SOX6: variants seen among roughly 807,000 people sequenced by gnomAD.
SOX6 encodes the protein transcription factor SOX-6.
Under a neutral mutation model 97.8 loss-of-function variants are expected in SOX6, and 11 were observed. The observed-to-expected ratio is 0.11, with a 90% CI of 0.07 to 0.19. SOX6 has a LOEUF of 0.19. Ranked by LOEUF, SOX6 falls within the 10% of genes least tolerant of loss-of-function variation. The pLI is 1.00. For missense variants in SOX6, 810 were observed against 1,039.5 expected, an observed-to-expected ratio of 0.78 and a Z score of 3.04; for synonymous variants, 360 against 371.4, an observed-to-expected ratio of 0.97 and a Z score of 0.35.
intron 4 of SOX6, among the ~76,000 whole-genome samples, chr11:16,508,715 TG>T (rs1456252790): frequency 1.3e-5 from 2 of 152,060 alleles, no homozygotes; most frequent in Non-Finnish European, 2.9e-5. Flanking sequence ...GAGGAAAGGT[TG>T]GTTAATGAGT....
chr11:16,657,361 T>C (rs773829238), intron 3 of SOX6, among the ~76,000 whole-genome samples: 2 of 152,250 alleles, frequency 1.3e-5, no homozygotes, highest in African/African-American at 4.8e-5. Context: ...CTGCAGGATA[T>C]CTTGATTTCT....
chr11:16,379,599 T>C (rs922437679), intron 1 of SOX6, among the ~76,000 whole-genome samples: 12 of 152,070 alleles, frequency 7.9e-5, no homozygotes, highest in African/African-American at 2.9e-4. Context: ...AAAATAATAA[T>C]AATGTGTCAG....
chr11:16,681,329 G>A (rs928940741), intron 3 of SOX6, among the ~76,000 whole-genome samples: 5 of 152,152 alleles, frequency 3.3e-5, no homozygotes, highest in Non-Finnish European at 7.3e-5. Flanking sequence ...ACAACTACAT[G>A]GAAACTGAAC....
intron 6 of SOX6, among the ~76,000 whole-genome samples, chr11:16,129,371 C>A (rs920999665): frequency 2.0e-5 from 3 of 152,084 alleles, no homozygotes; most frequent in Non-Finnish European, 2.9e-5. Flanking sequence ...CTTCCCATCA[C>A]AACTTTATAT....
chr11:16,655,269 G>C (rs1464999188), intron 3 of SOX6, among the ~76,000 whole-genome samples: 1 of 152,156 alleles, frequency 6.6e-6, no homozygotes, highest in Admixed American at 6.5e-5. Context: ...AGACACAAGA[G>C]AACTAAGTGC....
At chr11:16,144,027 A>C (rs956560241) in intron 6 of SOX6, among the ~76,000 whole-genome samples, 8 of 152,140 alleles carry the variant, frequency 5.3e-5, no homozygotes, top group Non-Finnish European at 8.8e-5. Context: ...AGAACTCTCC[A>C]CCCCAAATCA....
intron 4 of SOX6, among the ~76,000 whole-genome samples, chr11:16,222,190 C>T (rs1008878429): frequency 6.6e-6 from 1 of 152,100 alleles, no homozygotes; most frequent in Admixed American, 6.6e-5. Flanking sequence ...ACCAATGCCA[C>T]TCTTCTCACT....
intron 9 of SOX6, among the ~76,000 whole-genome samples, chr11:16,076,150 T>G (rs966281842): frequency 2.0e-5 from 3 of 152,090 alleles, no homozygotes; most frequent in African/African-American, 7.2e-5. Context: ...CCTAAAACTA[T>G]AAAAATCCTG....
chr11:16,356,232 A>C lies in SOX6; in HGVS notation c.-143T>G, dbSNP rs1391760386. Among the ~76,000 whole-genome samples the C allele has an allele frequency of 6.6e-6, 1 of 151,954 alleles. No homozygotes were observed. The highest frequency in any genetic ancestry group is 6.6e-5 in the Admixed American group (1 of 15,202). ...CTGACTGCCAACCAAAAAAAAAAAA[A>C]ACCCAACCCCACAGCTAATTAATCT... On this transcript the variant is annotated 5_prime_UTR_variant, in exon 1 of 16. Transcript: ENST00000683767.
chr11:16,317,936 A>G (rs1219441908), intron 3 of SOX6: 4 of 451,520 alleles, frequency 8.9e-6, no homozygotes, highest in Non-Finnish European at 1.8e-5. Context: ...AAGAGATGTC[A>G]TGTATCAAAG....
chr11:16,366,055 G>T (rs1447329598), intron 1 of SOX6, among the ~76,000 whole-genome samples: 4 of 152,124 alleles, frequency 2.6e-5, no homozygotes, highest in African/African-American at 4.8e-5. Context: ...TGCCGAACAA[G>T]TGGTCATGAC....
intron 3 of SOX6, among the ~76,000 whole-genome samples, chr11:16,298,661 C>T (rs1006021079): frequency 3.9e-5 from 6 of 151,964 alleles, no homozygotes; most frequent in Non-Finnish European, 7.4e-5. Context: ...AACAGTCCTT[C>T]GAAGAGATTT....
chr11:16,192,503 C>A (rs1364450020), intron 4 of SOX6, among the ~76,000 whole-genome samples: 1 of 151,830 alleles, frequency 6.6e-6, no homozygotes, highest in Non-Finnish European at 1.5e-5. Flanking sequence ...CAATTTCCCC[C>A]ATCAAAAGTT....
intron 1 of SOX6, among the ~76,000 whole-genome samples, chr11:16,407,595 G>C (rs1034256279): frequency 6.6e-6 from 1 of 152,006 alleles, no homozygotes. Context: ...AGTGATTACC[G>C]GGCAGAATTC....
chr11:16,577,336 C>T (rs1847993421), intron 4 of SOX6, among the ~76,000 whole-genome samples: 1 of 152,154 alleles, frequency 6.6e-6, no homozygotes, highest in African/African-American at 2.4e-5. Context: ...TTGCTTTTCA[C>T]CATATTAAAA....
chr11:16,540,533 C>A (rs55928688), intron 4 of SOX6, among the ~76,000 whole-genome samples: 17,229 of 152,152 alleles, frequency 0.11, 1,022 homozygotes, highest in Non-Finnish European at 0.14. Flanking sequence ...GTCAAATTGT[C>A]TCCGTTTGCA....
rs1853267889 is a variant in SOX6 at position 15,970,462 on chromosome 11, A to G, written c.*2347T>C. On this transcript the variant is annotated 3_prime_UTR_variant, in exon 16 of 16. Transcript: ENST00000683767. ...AAATAAGAAAGAAGTGAGAGAGAGC[A>G]AAAGCAAAAGCCAAAGAGAAAGAAA... is the stretch of plus-strand genomic sequence containing the variant. 2 of 152,658 alleles carry G rather than the reference A, an allele frequency of 1.3e-5. No homozygotes were observed. Among genetic ancestry groups the G allele is most frequent in the South Asian group, 4.1e-4 (2 of 4,832 alleles). 9.5% of individuals were successfully genotyped at this position (152,658 alleles called of 1,614,324 possible).
intron 4 of SOX6, among the ~76,000 whole-genome samples, chr11:16,591,369 A>AGAT (rs1161751237): frequency 1.3e-5 from 2 of 150,208 alleles, no homozygotes; most frequent in Non-Finnish European, 3.0e-5. Context: ...ATAGATAGAT[A>AGAT]GATAGATTTC....
intron 9 of SOX6, among the ~76,000 whole-genome samples, chr11:16,068,696 T>C (rs1848150724): frequency 6.6e-6 from 1 of 152,180 alleles, no homozygotes; most frequent in Admixed American, 6.5e-5. Context: ...GCACCATTTT[T>C]TCCTTTCTTA....
Sources: gnomAD v4.1 joint callset for allele counts (sites outside exome capture counted in the v4.1 genomes callset) on GRCh38, gnomAD v4.1.1 for gene constraint, MANE v1.5 for transcripts, NCBI Gene and HGNC (gene_info 2026-07-23, HGNC 2026-07-21) for gene names.